SLC29A3: variants seen among roughly 807,000 people sequenced by gnomAD.
SLC29A3 encodes solute carrier family 29 member 3.
In SLC29A3, 18 loss-of-function variants were observed where a neutral mutation model predicts 25.4. That is an observed-to-expected ratio of 0.71 (90% CI 0.49 to 1.05). The LOEUF (loss-of-function observed/expected upper bound fraction) is 1.05. Ranked by LOEUF, SLC29A3 falls within the 50% of genes least tolerant of loss-of-function variation. The probability of loss-of-function intolerance (pLI) is 0.00; values close to 1 mark genes in which losing one functional copy is unlikely to be tolerated. For missense variants in SLC29A3, 586 were observed against 609.0 expected (o/e 0.96, Z 0.40); for synonymous variants, 258 against 267.1 (o/e 0.97, Z 0.33).
intron 1 of SLC29A3, 106 bp from the exon 2 acceptor site, chr10:71,322,650 G>A: frequency 7.4e-7 from 1 of 1,347,132 alleles, no homozygotes; most frequent in Admixed American, 1.7e-5. Flanking sequence ...CAGAGCCCAG[G>A]GTGAGGGGGC....
At chr10:71,319,374 G>A (rs1412629764) in intron 1 of SLC29A3, 64 bp downstream of exon 1, 2 of 600,742 alleles carry the variant, frequency 3.3e-6, no homozygotes, top group Non-Finnish European at 5.9e-6. Flanking sequence ...CTCGCGCTCA[G>A]CGACCTCCCT....
intron 3 of SLC29A3, among the ~76,000 whole-genome samples, chr10:71,371,225 A>G (rs963199718): frequency 2.6e-5 from 4 of 152,112 alleles, no homozygotes; most frequent in African/African-American, 7.2e-5. Flanking sequence ...CTTCCTATGC[A>G]CTCACTCCAG....
Position 71,335,328 on chromosome 10 carries a change from G to A in SLC29A3, c.301-8881G>A, listed in dbSNP as rs1302861618. 3.3e-5 allele frequency among the ~76,000 whole-genome samples: 5 copies of A among 152,136 alleles called. No individual in the cohort carries two copies. The East Asian group carries it at 5.8e-4, about 18-fold the overall frequency. ...CCCTCAGCCACCCTTGCCTCCACGC[G>A]CCCCATCATTTCTCCAAGTGGAGCC... On this transcript the variant is annotated intron_variant, in intron 2 of 5. Coordinates refer to ENST00000373189, the MANE Select transcript of SLC29A3 (RefSeq NM_018344.6).
chr10:71,340,916 G>A (rs1198826107), intron 2 of SLC29A3, among the ~76,000 whole-genome samples: 1 of 152,222 alleles, frequency 6.6e-6, no homozygotes, highest in Non-Finnish European at 1.5e-5. Context: ...GGAAAGGGAA[G>A]TAGGGCTGGG....
At chr10:71,355,737 C>A (rs1041827905) in intron 4 of SLC29A3, among the ~76,000 whole-genome samples, 25 of 152,156 alleles carry the variant, frequency 1.6e-4, no homozygotes, top group Non-Finnish European at 1.5e-5. Context: ...TCAGCCCCCA[C>A]TAGAAGGGCA....
At position 71,376,174 on chromosome 10, in the gene SLC29A3, C is replaced by T. The variant is rs989793936; in HGVS notation, c.*211+363C>T. 5.9e-5 allele frequency among the ~76,000 whole-genome samples: 9 copies of T among 152,358 alleles called. No homozygotes were observed. In the South Asian group the frequency reaches 1.7e-3, roughly 28 times the overall value. On this transcript the variant is annotated intron_variant and NMD_transcript_variant, in intron 4 of 4. Transcript: ENST00000642772. Reference sequence around the variant, plus strand: ...CCTAAGTAAACACGGCAATGTGTCTCTTACAAAGCTCTGACCACAGCCACT... The same window carrying T: ...CCTAAGTAAACACGGCAATGTGTCTTTTACAAAGCTCTGACCACAGCCACT...
chr10:71,362,413 C>G lies in SLC29A3; in HGVS notation c.1233C>G (p.Ser411=), dbSNP rs756751578. The change falls in exon 6 of 6, where the codon TCC becomes TCG. Residue 411 remains serine (S), a synonymous_variant. Transcript: ENST00000373189. The part of the protein sequence containing the change: ...RVHLKTVVFQ[S]DVYPALLSSL... The stretch of plus-strand genomic sequence containing the variant: ...ACCTGAAGACTGTGGTCTTCCAGTC[C>G]GATGTGTACCCCGCACTCCTCAGCT... 3 of 1,614,192 alleles carry G rather than the reference C, an allele frequency of 1.9e-6. No homozygotes were observed. In the South Asian group the frequency reaches 3.3e-5, roughly 18 times the overall value.
intron 2 of SLC29A3, among the ~76,000 whole-genome samples, chr10:71,333,099 A>G (rs907262764): frequency 1.3e-5 from 2 of 152,212 alleles, no homozygotes; most frequent in African/African-American, 2.4e-5. Flanking sequence ...TCTCTTTAAC[A>G]TGATTGATAT....
intron 2 of SLC29A3, among the ~76,000 whole-genome samples, chr10:71,330,217 C>T (rs140312240): frequency 6.6e-6 from 1 of 152,322 alleles, no homozygotes; most frequent in Non-Finnish European, 1.5e-5. Context: ...CAGCCACCCT[C>T]CTCTTCCTTC....
chr10:71,341,343 C>T (rs940605739), intron 2 of SLC29A3, among the ~76,000 whole-genome samples: 12 of 152,184 alleles, frequency 7.9e-5, no homozygotes, highest in African/African-American at 9.7e-5. Flanking sequence ...TCTGGAGCAA[C>T]ATCCACTAAG....
At chr10:71,335,800 G>C (rs1846234554) in intron 2 of SLC29A3, among the ~76,000 whole-genome samples, 2 of 152,118 alleles carry the variant, frequency 1.3e-5, no homozygotes, top group Non-Finnish European at 2.9e-5. Context: ...TGGATGAAGA[G>C]ACGGATGTAT....
intron 5 of SLC29A3, among the ~76,000 whole-genome samples, chr10:71,358,528 C>G (rs780653): frequency 0.64 from 97,067 of 152,124 alleles, 31,372 homozygotes; most frequent in Middle Eastern, 0.69. Flanking sequence ...GCTTCCTGTG[C>G]CCTGGCTGGC....
At chr10:71,351,844 G>C (rs912511592) in intron 4 of SLC29A3, 56 bp downstream of exon 4, 1 of 1,492,532 alleles carries the variant, frequency 6.7e-7, no homozygotes, top group African/African-American at 1.4e-5. Flanking sequence ...AGTCATGGGA[G>C]GGAGCCAGAG....
At chr10:71,354,923 G>A (rs1201308757) in intron 4 of SLC29A3, among the ~76,000 whole-genome samples, 1 of 152,214 alleles carries the variant, frequency 6.6e-6, no homozygotes, top group African/African-American at 2.4e-5. Flanking sequence ...ATCAGCCCAC[G>A]CTGGTGCCAG....
chr10:71,350,314 C>T (rs1445665479), intron 3 of SLC29A3, among the ~76,000 whole-genome samples: 1 of 142,472 alleles, frequency 7.0e-6, no homozygotes, highest in Non-Finnish European at 1.5e-5. Flanking sequence ...TTCACACCTA[C>T]GTGTGTGTGT....
chr10:71,359,739 G>A (rs1474235773), intron 5 of SLC29A3, among the ~76,000 whole-genome samples: 1 of 152,208 alleles, frequency 6.6e-6, no homozygotes, highest in African/African-American at 2.4e-5. Flanking sequence ...AGAGAGGGGT[G>A]TGCCTGGCCC....
chr10:71,365,999 G>A (rs1044993350), downstream of SLC29A3: 1 of 152,024 alleles, frequency 6.6e-6, no homozygotes, highest in Non-Finnish European at 1.5e-5. Flanking sequence ...TAATGTTTTG[G>A]TTTCTTTGAG....
intron 5 of SLC29A3, among the ~76,000 whole-genome samples, chr10:71,361,542 A>G (rs1317980066): frequency 6.6e-6 from 1 of 152,170 alleles, no homozygotes; most frequent in Non-Finnish European, 1.5e-5. Flanking sequence ...TTAATACTAT[A>G]TCATTTATTT....
In SLC29A3 at chr10:71,351,714, C is replaced by T; in HGVS notation, c.536C>T (p.Ser179Phe). The T allele has an allele frequency of 6.2e-7, 1 of 1,614,192 alleles. No individual in the cohort carries two copies. Among genetic ancestry groups the T allele is most frequent in the African/African-American group, 1.3e-5 (1 of 75,046 alleles). ...TGCATGGTGATCCTCAGCGGTGCCT[C>T]CACTGTCTTCAGCAGCAGCATCTAC... ...IVCMVILSGASTVFSSSIYGM... is the reference protein window; with the variant it reads ...IVCMVILSGAFTVFSSSIYGM... Residue 179 changes from serine to phenylalanine, a missense_variant, in exon 4 of 6, where the codon TCC becomes TTC. Transcript: ENST00000373189.
Sources: gnomAD v4.1 joint callset for allele counts (sites outside exome capture counted in the v4.1 genomes callset) on GRCh38, gnomAD v4.1.1 for gene constraint, MANE v1.5 for transcripts, NCBI Gene and HGNC (gene_info 2026-07-23, HGNC 2026-07-21) for gene names.